The following AGBL1 variants were observed in gnomAD, a reference collection of about 807,000 sequenced individuals.
AGBL1 encodes the protein AGBL carboxypeptidase 1, also known as cytosolic carboxypeptidase 4.
In AGBL1, 130 loss-of-function variants were observed where a neutral mutation model predicts 118.9. That is an observed-to-expected ratio of 1.09 (90% CI 0.95 to 1.26). AGBL1 has a LOEUF of 1.26. Ranked by LOEUF, AGBL1 falls within the 50% of genes most tolerant of loss-of-function variation. The pLI, the probability that AGBL1 is intolerant of heterozygous loss-of-function variation, is 0.00. For missense variants in AGBL1, 1,584 were observed against 1,298.1 expected, an observed-to-expected ratio of 1.22 and a Z score of -3.38; for synonymous variants, 555 against 478.9, an observed-to-expected ratio of 1.16 and a Z score of -2.08.
At chr15:86,605,685 C>A (rs2084565107) in intron 21 of AGBL1, among the ~76,000 whole-genome samples, 1 of 152,018 alleles carries the variant, frequency 6.6e-6, no homozygotes, top group African/African-American at 2.4e-5. Flanking sequence ...CCAGTTGAAG[C>A]CAGGTTTTGA....
chr15:86,470,864 T>C (rs2142101745), intron 18 of AGBL1, among the ~76,000 whole-genome samples: 1 of 152,278 alleles, frequency 6.6e-6, no homozygotes, highest in East Asian at 1.9e-4. Context: ...GATTTTTGTG[T>C]GCTAATTATG....
chr15:86,213,065 A>G (rs996029977), intron 5 of AGBL1, among the ~76,000 whole-genome samples: 1 of 152,184 alleles, frequency 6.6e-6, no homozygotes, highest in East Asian at 1.9e-4. Flanking sequence ...TGATCACCAA[A>G]TCATTGCAAG....
At chr15:86,926,304 A>G (rs62032649) in intron 23 of AGBL1, among the ~76,000 whole-genome samples, 17,699 of 152,156 alleles carry the variant, frequency 0.12, 1,090 homozygotes, top group East Asian at 0.16. Flanking sequence ...CACTACATAA[A>G]TCTTTTCTGA....
At chr15:86,972,394 C>T (rs117625873) in intron 23 of AGBL1, among the ~76,000 whole-genome samples, 1 of 152,124 alleles carries the variant, frequency 6.6e-6, no homozygotes, top group Non-Finnish European at 1.5e-5. Context: ...TGGTGCCATT[C>T]CAGACCAAGA....
chr15:86,252,145 G>C (rs570325707), intron 7 of AGBL1, among the ~76,000 whole-genome samples: 1 of 152,190 alleles, frequency 6.6e-6, no homozygotes, highest in Non-Finnish European at 1.5e-5. Flanking sequence ...TGATGCTACT[G>C]GTCTGGGTAC....
chr15:86,574,065 A>T (rs2084048187), intron 21 of AGBL1, among the ~76,000 whole-genome samples: 1 of 152,260 alleles, frequency 6.6e-6, no homozygotes, highest in South Asian at 2.1e-4. Flanking sequence ...AAACCATAAA[A>T]GTGAGAGACA....
chr15:86,470,032 A>G (rs966216900), intron 18 of AGBL1, among the ~76,000 whole-genome samples: 11 of 152,288 alleles, frequency 7.2e-5, no homozygotes, highest in South Asian at 2.1e-4. Context: ...TTGTTCTTTC[A>G]TTCTGTCAGA....
intron 22 of AGBL1, among the ~76,000 whole-genome samples, chr15:86,891,502 T>G (rs1177311060): frequency 6.6e-6 from 1 of 151,694 alleles, no homozygotes; most frequent in African/African-American, 2.4e-5. Flanking sequence ...CATACCTGAT[T>G]ACACTGTCTC....
At chr15:86,282,825 C>G (rs576190111) in intron 16 of AGBL1, among the ~76,000 whole-genome samples, 4 of 152,160 alleles carry the variant, frequency 2.6e-5, no homozygotes, top group Non-Finnish European at 5.9e-5. Context: ...GTAGAAAATA[C>G]GTTTCCATGT....
intron 23 of AGBL1, among the ~76,000 whole-genome samples, chr15:86,945,434 C>T (rs556935142): frequency 6.6e-6 from 1 of 151,852 alleles, no homozygotes; most frequent in Non-Finnish European, 1.5e-5. Flanking sequence ...TTTGGGGAGC[C>T]GAGGCAGGTA....
chr15:86,844,618 TCAGATG>T (rs2079293082), intron 22 of AGBL1, among the ~76,000 whole-genome samples: 2 of 152,194 alleles, frequency 1.3e-5, no homozygotes, highest in Non-Finnish European at 2.9e-5. Flanking sequence ...AAATTTTTTG[TCAGATG>T]CATAATTTTC....
chr15:86,893,560 T>C (rs2080081783), intron 22 of AGBL1, among the ~76,000 whole-genome samples: 1 of 152,104 alleles, frequency 6.6e-6, no homozygotes, highest in Non-Finnish European at 1.5e-5. Context: ...ACAAAGAAAC[T>C]CTATCACATC....
At chr15:86,198,233 T>C (rs1395207247) in intron 5 of AGBL1, among the ~76,000 whole-genome samples, 2 of 152,228 alleles carry the variant, frequency 1.3e-5, no homozygotes, top group Admixed American at 1.3e-4. Context: ...CTTATACCTG[T>C]CCTAATATTG....
chr15:86,687,730 G>A (rs1234603319), intron 22 of AGBL1, among the ~76,000 whole-genome samples: 1 of 152,074 alleles, frequency 6.6e-6, no homozygotes, highest in Admixed American at 6.6e-5. Context: ...TTTTTGTTGA[G>A]TTTCCAAAGT....
At position 86,626,836 on chromosome 15, in the gene AGBL1, C is replaced by CTT. The variant is rs11318598; in HGVS notation, c.2995-47419_2995-47418dup. ...ACCAATACAAGAGTAATATACTTTT[C>CTT]TTTTTTTTTTTTTTTTTTTGAGACA... On this transcript the variant is annotated intron_variant, in intron 21 of 22. Transcript: ENST00000614907. 9.8e-3 allele frequency among the ~76,000 whole-genome samples: 1,156 copies of CTT among 117,808 alleles called. 35 individuals are homozygous for CTT. The highest frequency in any genetic ancestry group is 0.096 in the East Asian group (395 of 4,108). 77.3% of individuals were successfully genotyped at this position (117,808 alleles called of 152,430 possible).
chr15:86,122,210 C>T (rs1292318968), intron 1 of AGBL1, among the ~76,000 whole-genome samples: 3 of 152,106 alleles, frequency 2.0e-5, no homozygotes, highest in Non-Finnish European at 4.4e-5. Context: ...GAGGTTCTGA[C>T]AGATTGAGTG....
intron 22 of AGBL1, among the ~76,000 whole-genome samples, chr15:86,778,366 C>T (rs1199409467): frequency 6.6e-6 from 1 of 152,082 alleles, no homozygotes; most frequent in African/African-American, 2.4e-5. Flanking sequence ...ACCAGTCTGA[C>T]CAAAATTTAT....
chr15:86,262,664 G>A, intron 9 of AGBL1, 114 bp from the exon 10 acceptor site: 1 of 741,440 alleles, frequency 1.3e-6, no homozygotes. Flanking sequence ...GCTATAATTT[G>A]GAGGCAAGAA....
intron 21 of AGBL1, among the ~76,000 whole-genome samples, chr15:86,622,647 C>T (rs142027717): frequency 0.011 from 1,670 of 152,154 alleles, 61 homozygotes; most frequent in Admixed American, 0.076. Flanking sequence ...TCATCCCATG[C>T]AAGGGACTGG....
Sources: allele counts gnomAD v4.1 joint callset (sites outside exome capture counted in the v4.1 genomes callset), GRCh38; gene constraint gnomAD v4.1.1; transcripts MANE v1.5; gene names NCBI Gene and HGNC (gene_info 2026-07-23, HGNC 2026-07-21).